Variants in TRPM3 observed in about 807,000 individuals in gnomAD.
The protein encoded by TRPM3 is long transient receptor potential channel 3.
In TRPM3, 77 loss-of-function variants were observed where a neutral mutation model predicts 181.2. The ratio of observed to expected loss-of-function variants is 0.42; its 90% CI spans 0.35 to 0.51. The LOEUF is 0.51. TRPM3 is among the 20% of genes least tolerant of loss of function. The probability of loss-of-function intolerance (pLI) is 0.01; values close to 1 mark genes in which losing one functional copy is unlikely to be tolerated. For synonymous variants in TRPM3, 745 were observed against 796.4 expected (o/e 0.94, Z 1.09); for missense variants, 1,759 against 2,196.7 (o/e 0.80, Z 3.98).
intron 1 of TRPM3, among the ~76,000 whole-genome samples, chr9:70,890,071 T>C (rs1425978242): frequency 6.8e-6 from 1 of 148,002 alleles, no homozygotes; most frequent in Non-Finnish European, 1.5e-5. Context: ...ACAAATATAG[T>C]GTACTATATA....
In TRPM3 at chr9:71,220,410, C is replaced by G. The variant is rs569152598; in HGVS notation, c.183+226243G>C. Among the ~76,000 whole-genome samples the G allele has an allele frequency of 2.7e-5, 4 of 150,616 alleles. No homozygotes were observed. In the South Asian group the frequency reaches 8.4e-4, roughly 32 times the overall value. On this transcript the variant is annotated intron_variant, in intron 1 of 24. Coordinates refer to the TRPM3 transcript ENST00000357533. ...TATTATGATCTGCTTACCAGTTGAC[C>G]TAAATAGGTGAGTTAGGGAAGAAAA...
At chr9:71,355,781 T>C (rs546070394) in intron 1 of TRPM3, among the ~76,000 whole-genome samples, 1 of 152,240 alleles carries the variant, frequency 6.6e-6, no homozygotes, top group African/African-American at 2.4e-5. Context: ...GGCAAAACGT[T>C]TGTTCTTCAT....
At chr9:71,200,471 G>T (rs964568198) in intron 1 of TRPM3, among the ~76,000 whole-genome samples, 1 of 151,012 alleles carries the variant, frequency 6.6e-6, no homozygotes, top group African/African-American at 2.4e-5. Context: ...TTGACAGTGG[G>T]GTGTTAAAGT....
chr9:71,377,848 C>T (rs2092703029), intron 1 of TRPM3, among the ~76,000 whole-genome samples: 1 of 151,858 alleles, frequency 6.6e-6, no homozygotes, highest in African/African-American at 2.4e-5. Context: ...TATTTTGTGT[C>T]TAGATTCTTT....
At chr9:70,940,637 G>A (rs1190754232) in intron 1 of TRPM3, among the ~76,000 whole-genome samples, 2 of 152,216 alleles carry the variant, frequency 1.3e-5, no homozygotes, top group Non-Finnish European at 2.9e-5. Context: ...TAATCATGAA[G>A]TGGAATGAAT....
intron 1 of TRPM3, among the ~76,000 whole-genome samples, chr9:71,379,130 G>T (rs112912584): frequency 1.1e-3 from 165 of 151,986 alleles, no homozygotes; most frequent in African/African-American, 3.7e-3. Context: ...TAAATAATCT[G>T]ATTTCAACTT....
intron 1 of TRPM3, among the ~76,000 whole-genome samples, chr9:71,180,836 A>G (rs1177025236): frequency 6.6e-6 from 1 of 152,124 alleles, no homozygotes; most frequent in African/African-American, 2.4e-5. Context: ...TAAAAAAGCG[A>G]ATAGTTATTG....
intron 3 of TRPM3, among the ~76,000 whole-genome samples, chr9:70,857,444 A>C (rs10868916): frequency 0.42 from 64,125 of 151,918 alleles, 14,254 homozygotes; most frequent in Non-Finnish European, 0.47. Context: ...GTTTACGAAG[A>C]CCCCTTCCTG....
At chr9:71,023,462 C>T (rs539052038) in intron 1 of TRPM3, among the ~76,000 whole-genome samples, 2 of 152,192 alleles carry the variant, frequency 1.3e-5, no homozygotes, top group South Asian at 2.1e-4. Flanking sequence ...ATTATATAGA[C>T]TAACAATTGC....
At chr9:70,915,480 T>TA (rs986735913) in intron 1 of TRPM3, among the ~76,000 whole-genome samples, 9 of 150,406 alleles carry the variant, frequency 6.0e-5, no homozygotes, top group Non-Finnish European at 1.2e-4. Flanking sequence ...TTTTTTTTTT[T>TA]ATTTTTAGTA....
intron 1 of TRPM3, among the ~76,000 whole-genome samples, chr9:71,366,049 G>C (rs934703222): frequency 2.6e-5 from 4 of 152,060 alleles, no homozygotes; most frequent in Non-Finnish European, 5.9e-5. Flanking sequence ...TGAGGTGAAG[G>C]CTGTTAAAAG....
chr9:71,090,903 A>G (rs1388250461), intron 1 of TRPM3, among the ~76,000 whole-genome samples: 3 of 152,176 alleles, frequency 2.0e-5, no homozygotes, highest in African/African-American at 7.2e-5. Flanking sequence ...TAGTAATACA[A>G]TCAGTCATAT....
chr9:71,300,430 C>T lies in TRPM3; in HGVS notation c.183+146223G>A, dbSNP rs369600677. On this transcript the variant is annotated intron_variant, in intron 1 of 24. Transcript: ENST00000357533. ...TTATGTAAGGTCTGTTAGTGCCTTC[C>T]TAAGCATTCTATTTTGTCAAAATGT... 7.0e-4 allele frequency among the ~76,000 whole-genome samples: 107 copies of T among 152,140 alleles called. 2 individuals carry two copies. The South Asian group carries it at 0.021, about 30-fold the overall frequency.
chr9:70,811,392 G>T, intron 6 of TRPM3: 1 of 663,392 alleles, frequency 1.5e-6, no homozygotes, highest in Middle Eastern at 3.0e-4. Context: ...GCATCATCCA[G>T]CCCTTCTGCA....
rs2086597955 is a variant in TRPM3 at position 71,299,619 on chromosome 9, T to C, written c.183+147034A>G. Among the ~76,000 whole-genome samples, 6 of 152,222 alleles carry C rather than the reference T, an allele frequency of 3.9e-5. No homozygotes were observed. The South Asian group carries it at 1.2e-3, about 32-fold the overall frequency. The stretch of plus-strand genomic sequence containing the variant: ...ATGGAAACTATTCTAATTTGTTAAC[T>C]ATGTAATTGTGCAATGGTTAGTTAT... On this transcript the variant is annotated intron_variant, in intron 1 of 24. Transcript: ENST00000357533.
intron 1 of TRPM3, among the ~76,000 whole-genome samples, chr9:71,293,185 C>T (rs1345799070): frequency 1.3e-5 from 2 of 151,714 alleles, no homozygotes; most frequent in African/African-American, 2.4e-5. Flanking sequence ...AACCTTACAG[C>T]AATTATCTTT....
intron 1 of TRPM3, among the ~76,000 whole-genome samples, chr9:71,116,931 C>G (rs1300168535): frequency 1.3e-5 from 2 of 152,112 alleles, no homozygotes; most frequent in Admixed American, 1.3e-4. Context: ...ATATTCTTTA[C>G]TTTTGTCAGT....
chr9:70,838,216 G>A (rs2131896465), intron 5 of TRPM3, among the ~76,000 whole-genome samples: 1 of 152,170 alleles, frequency 6.6e-6, no homozygotes, highest in Non-Finnish European at 1.5e-5. Flanking sequence ...CTCATTTTGG[G>A]GAGTTTTTAA....
chr9:70,838,342 C>T (rs569274730), intron 5 of TRPM3, among the ~76,000 whole-genome samples: 7 of 152,202 alleles, frequency 4.6e-5, no homozygotes, highest in Admixed American at 1.3e-4. Context: ...GTGATCAGGT[C>T]ATGAGGGCGG....
Sources: allele counts gnomAD v4.1 joint callset (sites outside exome capture counted in the v4.1 genomes callset), GRCh38; gene constraint gnomAD v4.1.1; transcripts MANE v1.5; gene names NCBI Gene and HGNC (gene_info 2026-07-23, HGNC 2026-07-21).